The following NAV3 variants were observed in gnomAD, a reference collection of about 807,000 sequenced individuals.
NAV3 encodes the protein pore membrane and/or filament interacting like protein 1.
NAV3 carries 87 observed loss-of-function variants against 244.7 expected under a neutral mutation model. The ratio of observed to expected loss-of-function variants is 0.36; its 90% confidence interval spans 0.30 to 0.42. The LOEUF (loss-of-function observed/expected upper bound fraction) is 0.42, where lower values mean the gene tolerates loss of function less well. Ranked by LOEUF, NAV3 falls within the 20% of genes least tolerant of loss-of-function variation. The pLI, the probability that NAV3 is intolerant of heterozygous loss-of-function variation, is 1.00. For synonymous variants in NAV3, 1,126 were observed against 1,042.2 expected, an observed-to-expected ratio of 1.08 and a Z score of -1.55; for missense variants, 2,663 against 2,893.3, an observed-to-expected ratio of 0.92 and a Z score of 1.83.
chr12:77,665,491 T>C (rs1302319808), intron 2 of NAV3, among the ~76,000 whole-genome samples: 1 of 152,220 alleles, frequency 6.6e-6, no homozygotes, highest in African/African-American at 2.4e-5. Flanking sequence ...TATGTGAAGA[T>C]AATATTTATT....
In NAV3 at chr12:78,093,626, C is replaced by T. The variant is rs958296032; in HGVS notation, c.2637-23146C>T. On this transcript the variant is annotated intron_variant, in intron 12 of 39. Transcript: ENST00000397909. ...AACCCTCTGTTTTAGTTTGCCAAGACAAAGACACTCTGGGGGAAAAAAAAA... is the reference window on the plus strand; with the variant it reads ...AACCCTCTGTTTTAGTTTGCCAAGATAAAGACACTCTGGGGGAAAAAAAAA... 5.3e-5 allele frequency among the ~76,000 whole-genome samples: 8 copies of T among 151,250 alleles called. No individual in the cohort carries two copies. The East Asian group carries it at 1.2e-3, about 22-fold the overall frequency.
chr12:77,733,043 C>T (rs1877191243), intron 2 of NAV3, among the ~76,000 whole-genome samples: 1 of 151,928 alleles, frequency 6.6e-6, no homozygotes, highest in Admixed American at 6.6e-5. Flanking sequence ...AGGATTTTAA[C>T]TGGGAAAATA....
intron 30 of NAV3, among the ~76,000 whole-genome samples, chr12:78,183,663 T>C (rs1958592294): frequency 6.6e-6 from 1 of 151,930 alleles, no homozygotes; most frequent in Admixed American, 6.6e-5. Flanking sequence ...TATCCTACTG[T>C]TGTCAGGAGA....
intron 7 of NAV3, among the ~76,000 whole-genome samples, chr12:78,004,109 A>T (rs1313747048): frequency 6.6e-6 from 1 of 152,162 alleles, no homozygotes; most frequent in African/African-American, 2.4e-5. Context: ...TCCAATTTAG[A>T]TTTTGTTTTT....
chr12:77,677,062 TG>T (rs1464197627), intron 2 of NAV3, among the ~76,000 whole-genome samples: 19 of 152,334 alleles, frequency 1.2e-4, no homozygotes, highest in South Asian at 8.3e-4. Context: ...CTACCAGTAG[TG>T]GGGATTGATT....
At chr12:78,173,163 A>G (rs1358400384) in intron 24 of NAV3, among the ~76,000 whole-genome samples, 2 of 151,600 alleles carry the variant, frequency 1.3e-5, no homozygotes, top group Non-Finnish European at 3.0e-5. Context: ...GATGCCCCAT[A>G]TACTGAATTA....
intron 2 of NAV3, among the ~76,000 whole-genome samples, chr12:77,660,936 T>A (rs1337178988): frequency 6.6e-6 from 1 of 152,222 alleles, no homozygotes; most frequent in Non-Finnish European, 1.5e-5. Context: ...TTTCTTTTTA[T>A]TGCTGAATAG....
chr12:78,146,516 T>C (rs961712330), intron 21 of NAV3, 124 bp downstream of exon 21: 1 of 316,008 alleles, frequency 3.2e-6, no homozygotes, highest in African/African-American at 2.1e-5. Flanking sequence ...ACTGCTGAAG[T>C]AAGGCAGCTA....
At chr12:77,757,673 G>A (rs1273681921) in intron 2 of NAV3, among the ~76,000 whole-genome samples, 6 of 152,108 alleles carry the variant, frequency 3.9e-5, no homozygotes, top group African/African-American at 1.4e-4. Flanking sequence ...GAGATGATTT[G>A]GACTTTTTAA....
At chr12:77,655,135 G>T (rs1426124749) in intron 2 of NAV3, among the ~76,000 whole-genome samples, 2 of 152,186 alleles carry the variant, frequency 1.3e-5, no homozygotes, top group Admixed American at 1.3e-4. Context: ...AGAGAAGAAG[G>T]CTTCAGATGA....
chr12:78,206,790 T>C (rs1960359384), intron 39 of NAV3, among the ~76,000 whole-genome samples: 1 of 151,886 alleles, frequency 6.6e-6, no homozygotes, highest in South Asian at 2.1e-4. Context: ...TAAAACTAAA[T>C]ATTTGGCAGG....
At chr12:77,649,209 TCTA>T (rs1409544091) in intron 2 of NAV3, among the ~76,000 whole-genome samples, 1 of 152,182 alleles carries the variant, frequency 6.6e-6, no homozygotes, top group African/African-American at 2.4e-5. Flanking sequence ...TTCTTGAGCT[TCTA>T]CTATATGGTA....
intron 15 of NAV3, among the ~76,000 whole-genome samples, chr12:78,121,518 A>G (rs1955666538): frequency 2.2e-5 from 3 of 134,496 alleles, no homozygotes; most frequent in African/African-American, 7.8e-5. Context: ...AAATTTAAAA[A>G]TAAAAAAAAA....
At chr12:78,178,990 A>G (rs1179243439) in intron 28 of NAV3, among the ~76,000 whole-genome samples, 4 of 152,120 alleles carry the variant, frequency 2.6e-5, no homozygotes, top group African/African-American at 9.6e-5. Context: ...TAACTCACCC[A>G]TTATTTAAAT....
At chr12:77,943,064 T>C (rs1360998581) in intron 3 of NAV3, among the ~76,000 whole-genome samples, 2 of 152,120 alleles carry the variant, frequency 1.3e-5, no homozygotes, top group Non-Finnish European at 2.9e-5. Flanking sequence ...AAGCTTATAC[T>C]CAGTGATGGA....
At chr12:77,738,315 T>A (rs1868261621) in intron 2 of NAV3, among the ~76,000 whole-genome samples, 1 of 152,214 alleles carries the variant, frequency 6.6e-6, no homozygotes, top group Non-Finnish European at 1.5e-5. Context: ...TTAACCTCTC[T>A]GTGCTTCAGT....
chr12:77,796,848 T>A (rs1871431738), intron 2 of NAV3, among the ~76,000 whole-genome samples: 1 of 151,838 alleles, frequency 6.6e-6, no homozygotes, highest in Non-Finnish European at 1.5e-5. Context: ...AATTAAGGTT[T>A]TTTTTTTTAA....
rs147886253 is a variant in NAV3 at position 77,613,632 on chromosome 12, G to T, written c.72+41366G>T. 5.3e-5 allele frequency among the ~76,000 whole-genome samples: 8 copies of T among 152,214 alleles called. No individual in the cohort carries two copies. The East Asian group carries it at 9.6e-4, about 18-fold the overall frequency. Reference sequence around the variant, plus strand: ...CAGTATTCTTCTAGCACTCCTGCCCGTAAGTTAGAAAAGCATATTGTTCTC... The same window carrying T: ...CAGTATTCTTCTAGCACTCCTGCCCTTAAGTTAGAAAAGCATATTGTTCTC... On this transcript the variant is annotated intron_variant, in intron 2 of 8. Coordinates refer to the NAV3 transcript ENST00000550042.
At chr12:77,701,558 C>T (rs1040741979) in intron 2 of NAV3, among the ~76,000 whole-genome samples, 23 of 151,714 alleles carry the variant, frequency 1.5e-4, no homozygotes, top group Admixed American at 7.2e-4. Context: ...CTTTTAGATT[C>T]TTAAGTTAGA....
Sources: allele counts gnomAD v4.1 joint callset (sites outside exome capture counted in the v4.1 genomes callset), GRCh38; gene constraint gnomAD v4.1.1; transcripts MANE v1.5; gene names NCBI Gene and HGNC (gene_info 2026-07-23, HGNC 2026-07-21).